The following PRIMPOL variants were observed in gnomAD, a reference collection of about 807,000 sequenced individuals.
The protein encoded by PRIMPOL is DNA-directed primase/polymerase protein.
Under a neutral mutation model 63.6 loss-of-function variants are expected in PRIMPOL, and 54 were observed. The observed-to-expected ratio is 0.85, with a 90% CI of 0.68 to 1.07. The LOEUF (loss-of-function observed/expected upper bound fraction) is 1.07, where lower values mean the gene tolerates loss of function less well. Among genes scored for constraint, PRIMPOL ranks in the 50% least tolerant of loss-of-function variants. The pLI is 0.00. For missense variants in PRIMPOL, 610 were observed against 648.3 expected (o/e 0.94, Z 0.64); for synonymous variants, 197 against 220.2 (o/e 0.89, Z 0.93).
At chr4:184,681,354 G>T (rs1306026703) in intron 8 of PRIMPOL, among the ~76,000 whole-genome samples, 1 of 151,926 alleles carries the variant, frequency 6.6e-6, no homozygotes, top group Non-Finnish European at 1.5e-5. Flanking sequence ...GTGTCTGTGG[G>T]TGATTATTAT....
At chr4:184,669,213 T>G (rs893373516) in intron 6 of PRIMPOL, among the ~76,000 whole-genome samples, 1 of 152,250 alleles carries the variant, frequency 6.6e-6, no homozygotes, top group Non-Finnish European at 1.5e-5. Context: ...TGTTTACTCC[T>G]TACAGCAACT....
In PRIMPOL at chr4:184,672,473, G is replaced by T; in HGVS notation, c.844+13G>T. ...TTTGTAGATCTCGGTAAGTAAGATT[G>T]ACAGCTTTCTCCATCAGACCGCCCT... On this transcript the variant is annotated intron_variant, in intron 7 of 13. Transcript: ENST00000314970. The T allele has an allele frequency of 6.4e-7, 1 of 1,554,660 alleles. No individual in the cohort carries two copies. The highest frequency in any genetic ancestry group is 8.7e-7 in the Non-Finnish European group (1 of 1,153,542).
intron 4 of PRIMPOL, among the ~76,000 whole-genome samples, chr4:184,660,737 G>A (rs921109081): frequency 6.6e-6 from 1 of 152,148 alleles, no homozygotes; most frequent in Non-Finnish European, 1.5e-5. Flanking sequence ...TACAGGGTGT[G>A]TATGTATGTA....
At chr4:184,682,973 C>T (rs1756045963) in intron 9 of PRIMPOL, among the ~76,000 whole-genome samples, 1 of 152,098 alleles carries the variant, frequency 6.6e-6, no homozygotes, top group Non-Finnish European at 1.5e-5. Flanking sequence ...TCTCTTGAGG[C>T]CAGGAGGTTG....
rs759794219 is a variant in PRIMPOL, at chr4:184,694,658, A to AT, written c.1568dup (p.Leu523PhefsTer5). The AT allele has an allele frequency of 6.2e-7, 1 of 1,614,156 alleles. No individual in the cohort carries two copies. The highest frequency in any genetic ancestry group is 1.3e-5 in the African/African-American group (1 of 75,036). On this transcript the variant is annotated frameshift_variant, in exon 14 of 14. Transcript: ENST00000314970. LOFTEE classifies it low-confidence loss of function (END_TRUNC). ...TGGGATAATGGCATTGATGATGCTT[A>AT]TTTTTTAGAAGCTACTGAAGATGCT... is the stretch of plus-strand genomic sequence containing the variant.
intron 6 of PRIMPOL, among the ~76,000 whole-genome samples, chr4:184,667,599 C>A (rs533054126): frequency 6.6e-6 from 1 of 152,090 alleles, no homozygotes; most frequent in Non-Finnish European, 1.5e-5. Flanking sequence ...CGTGAGCCAC[C>A]GTGCCTGGCC....
intron 11 of PRIMPOL, among the ~76,000 whole-genome samples, chr4:184,689,076 G>T (rs950403669): frequency 1.3e-4 from 20 of 151,904 alleles, no homozygotes; most frequent in Middle Eastern, 6.8e-3. Flanking sequence ...ACAGGGTCTC[G>T]CCCTGTCGCC....
intron 7 of PRIMPOL, among the ~76,000 whole-genome samples, chr4:184,677,247 C>T (rs1754338723): frequency 6.6e-6 from 1 of 151,774 alleles, no homozygotes; most frequent in South Asian, 2.1e-4. Context: ...CAGGCACAAG[C>T]CACTGCACCT....
chr4:184,691,798 C>T (rs981014307), intron 13 of PRIMPOL, 86 bp downstream of exon 13: 82 of 941,330 alleles, frequency 8.7e-5, no homozygotes, highest in Admixed American at 1.4e-4. Context: ...GTCCAAATAG[C>T]ATTGAAACCC....
chr4:184,654,139 T>C (rs1306535806), intron 2 of PRIMPOL, among the ~76,000 whole-genome samples: 1 of 152,222 alleles, frequency 6.6e-6, no homozygotes, highest in African/African-American at 2.4e-5. Flanking sequence ...ACCAAGACTT[T>C]TACAAAATCA....
chr4:184,678,406 C>T lies in PRIMPOL; in HGVS notation c.1007+12C>T, dbSNP rs1305986709. The T allele has an allele frequency of 1.9e-6, 3 of 1,575,926 alleles. No homozygotes were observed. Among genetic ancestry groups the T allele is most frequent in the Non-Finnish European group, 2.6e-6 (3 of 1,160,088 alleles). ...GTCAGCAATGTCAGGTATGTAGTAG[C>T]AGCATCAAACCATTTTGTATTCATG... On this transcript the variant is annotated intron_variant, in intron 8 of 13. Transcript: ENST00000314970.
intron 1 of PRIMPOL, among the ~76,000 whole-genome samples, chr4:184,650,409 T>G (rs1401326644): frequency 6.6e-6 from 1 of 152,212 alleles, no homozygotes; most frequent in East Asian, 1.9e-4. Context: ...GGCCCCATCT[T>G]TTATAGTCAC....
intron 6 of PRIMPOL, among the ~76,000 whole-genome samples, chr4:184,667,840 T>G (rs1434987705): frequency 6.6e-6 from 1 of 152,206 alleles, no homozygotes; most frequent in Non-Finnish European, 1.5e-5. Flanking sequence ...GATTTTCCAA[T>G]AACAAACTTT....
chr4:184,677,072 T>G (rs1300380780), intron 7 of PRIMPOL, among the ~76,000 whole-genome samples: 1 of 119,832 alleles, frequency 8.3e-6, no homozygotes, highest in East Asian at 2.7e-4. Flanking sequence ...TTCCCTTTCC[T>G]TTCTATTTCC....
At chr4:184,692,943 T>A (rs1759247514) in intron 13 of PRIMPOL, among the ~76,000 whole-genome samples, 1 of 152,196 alleles carries the variant, frequency 6.6e-6, no homozygotes, top group African/African-American at 2.4e-5. Flanking sequence ...TTTCTGTAAC[T>A]TTTTTGCAGT....
rs947426802 is a variant in PRIMPOL at position 184,674,927 on chromosome 4, C to T, written c.844+2467C>T. ...TCAGCCTTTTCCTGTAAGGTCATGA[C>T]ATTTCTCTGTGTGGGAGCACCTCCA... is the stretch of plus-strand genomic sequence containing the variant. On this transcript the variant is annotated intron_variant, in intron 7 of 13. Transcript: ENST00000314970. Among the ~76,000 whole-genome samples the T allele has an allele frequency of 3.9e-5, 6 of 152,194 alleles. No homozygotes were observed. The South Asian group carries it at 8.3e-4, about 21-fold the overall frequency.
At chr4:184,653,493 A>G (rs962627551) in intron 2 of PRIMPOL, among the ~76,000 whole-genome samples, 1 of 152,190 alleles carries the variant, frequency 6.6e-6, no homozygotes, top group Non-Finnish European at 1.5e-5. Context: ...GAATTAAATA[A>G]TAGAAACTCT....
intron 13 of PRIMPOL, among the ~76,000 whole-genome samples, chr4:184,693,724 T>C (rs1045178279): frequency 3.9e-5 from 6 of 152,278 alleles, no homozygotes; most frequent in East Asian, 1.9e-4. Context: ...CTTGGCCACA[T>C]TGGTTTTCTC....
rs557287740 is a variant in PRIMPOL at position 184,656,043 on chromosome 4, A to G, written c.-59-1039A>G. On this transcript the variant is annotated intron_variant, in intron 2 of 13. Transcript: ENST00000314970. Reference sequence around the variant, plus strand: ...CTTACTAATGCGTTGAATTCAGATGACGGCTGGATGTCCGGAATGGCCCAG... The same window carrying G: ...CTTACTAATGCGTTGAATTCAGATGGCGGCTGGATGTCCGGAATGGCCCAG... Among the ~76,000 whole-genome samples, 23 of 152,244 alleles carry G rather than the reference A, an allele frequency of 1.5e-4. No individual in the cohort carries two copies. The South Asian group carries it at 4.6e-3, about 30-fold the overall frequency.
Sources: gnomAD v4.1 joint callset for allele counts (sites outside exome capture counted in the v4.1 genomes callset) on GRCh38, gnomAD v4.1.1 for gene constraint, MANE v1.5 for transcripts, NCBI Gene and HGNC (gene_info 2026-07-23, HGNC 2026-07-21) for gene names.